The following RNF182 variants were observed in gnomAD, a reference collection of about 807,000 sequenced individuals.
RNF182 encodes ring finger protein 182.
A neutral mutation model predicts 14.4 loss-of-function variants in RNF182; 15 were observed. The observed-to-expected ratio is 1.04, with a 90% confidence interval of 0.70 to 1.60. The LOEUF (loss-of-function observed/expected upper bound fraction) is 1.60. RNF182 is among the 40% of genes most tolerant of loss of function. The pLI, the probability that RNF182 is intolerant of heterozygous loss-of-function variation, is 0.00. For synonymous variants in RNF182, 128 were observed against 122.9 expected, an observed-to-expected ratio of 1.04 and a Z score of -0.27; for missense variants, 268 against 294.8, an observed-to-expected ratio of 0.91 and a Z score of 0.67.
intron 1 of RNF182, among the ~76,000 whole-genome samples, chr6:13,928,686 G>C (rs1477439950): frequency 6.6e-6 from 1 of 152,180 alleles, no homozygotes; most frequent in African/African-American, 2.4e-5. Flanking sequence ...CCTGTTAGGT[G>C]ATTGCTTATT....
At chr6:13,941,270 A>G (rs1759292888) in intron 1 of RNF182, among the ~76,000 whole-genome samples, 1 of 152,088 alleles carries the variant, frequency 6.6e-6, no homozygotes, top group African/African-American at 2.4e-5. Flanking sequence ...TATAATTGTT[A>G]TAATTCCTTG....
At chr6:13,947,048 A>C (rs969054786) in intron 1 of RNF182, among the ~76,000 whole-genome samples, 5 of 50,558 alleles carry the variant, frequency 9.9e-5, no homozygotes, top group African/African-American at 1.6e-4. Flanking sequence ...AAATCAGTAA[A>C]ATTGTCTAAA....
At chr6:13,944,792 G>A (rs1197187781) in intron 1 of RNF182, among the ~76,000 whole-genome samples, 2 of 152,134 alleles carry the variant, frequency 1.3e-5, no homozygotes, top group Non-Finnish European at 1.5e-5. Flanking sequence ...CATGTTCAGG[G>A]TCATATAGTC....
intron 1 of RNF182, among the ~76,000 whole-genome samples, chr6:13,953,976 G>A (rs953009591): frequency 6.6e-6 from 1 of 152,220 alleles, no homozygotes; most frequent in African/African-American, 2.4e-5. Flanking sequence ...ATGTTGGAAA[G>A]TAGAGAGAAA....
At chr6:13,928,236 T>A (rs1332367653) in intron 1 of RNF182, among the ~76,000 whole-genome samples, 1 of 152,214 alleles carries the variant, frequency 6.6e-6, no homozygotes, top group Non-Finnish European at 1.5e-5. Flanking sequence ...ATAAACATAG[T>A]TCAAGATAAA....
Position 13,977,541 on chromosome 6 carries a change from C to T in RNF182, c.422C>T (p.Ser141Phe). ...ITIMEVQRES[S>F]PSLSSTPVVE... ...ATCATGGAGGTGCAGAGAGAGAGCT[C>T]CCCGTCCCTGAGCTCCACTCCTGTG... is the stretch of plus-strand genomic sequence containing the variant. Residue 141 changes from serine to phenylalanine, a missense_variant, in exon 3 of 3, where the codon TCC becomes TTC. By Grantham distance (155) the Ser-to-Phe change is radical. Coordinates refer to ENST00000488300, the MANE Select transcript of RNF182 (RefSeq NM_152737.4). The T allele has an allele frequency of 6.2e-7, 1 of 1,614,182 alleles. No homozygotes were observed. Among genetic ancestry groups the T allele is most frequent in the Non-Finnish European group, 8.5e-7 (1 of 1,180,024 alleles).
At chr6:13,949,484 A>G (rs566204820) in intron 1 of RNF182, 1 of 595,538 alleles carries the variant, frequency 1.7e-6, no homozygotes, top group Non-Finnish European at 3.1e-6. Flanking sequence ...GGCTGGTTAT[A>G]AGAAAAAATT....
intron 1 of RNF182, among the ~76,000 whole-genome samples, chr6:13,930,370 T>C (rs1758936481): frequency 3.9e-5 from 6 of 152,226 alleles, no homozygotes; most frequent in Admixed American, 3.3e-4. Flanking sequence ...CTACATATTT[T>C]CTGTGGTATT....
chr6:13,972,381 A>G (rs1477577529), intron 1 of RNF182, among the ~76,000 whole-genome samples: 1 of 152,152 alleles, frequency 6.6e-6, no homozygotes, highest in Non-Finnish European at 1.5e-5. Flanking sequence ...AGAAAAACCA[A>G]TTTTCTGAGG....
intron 1 of RNF182, among the ~76,000 whole-genome samples, chr6:13,937,761 A>G (rs551539180): frequency 1.1e-4 from 17 of 151,696 alleles, no homozygotes; most frequent in East Asian, 1.9e-4. Flanking sequence ...AGGTGGTTAT[A>G]TCGGCGACAT....
chr6:13,933,391 G>A lies in RNF182; in HGVS notation c.-367+8368G>A, dbSNP rs982239053. 7.2e-5 allele frequency among the ~76,000 whole-genome samples: 11 copies of A among 151,730 alleles called. No individual in the cohort carries two copies. The South Asian group carries it at 1.0e-3, about 14-fold the overall frequency. ...ATTAGCTGGGCATGGTGGTACGCAC[G>A]TGTAGTCCCAGCTGCTCCAAAGGCT... On this transcript the variant is annotated intron_variant, in intron 1 of 2. Coordinates refer to ENST00000488300, the MANE Select transcript of RNF182 (RefSeq NM_152737.4).
intron 1 of RNF182, among the ~76,000 whole-genome samples, chr6:13,956,594 G>T (rs1378277431): frequency 6.6e-6 from 1 of 152,026 alleles, no homozygotes; most frequent in Non-Finnish European, 1.5e-5. Context: ...CAGAGTGCTG[G>T]GATTACCTGC....
intron 2 of RNF182, among the ~76,000 whole-genome samples, chr6:13,976,605 G>A (rs1288264883): frequency 6.6e-6 from 1 of 152,176 alleles, no homozygotes; most frequent in Non-Finnish European, 1.5e-5. Flanking sequence ...GTTTCAGAGT[G>A]AAAATCTCTT....
chr6:13,925,353 TG>T (rs1758797763), intron 1 of RNF182: 1 of 152,084 alleles, frequency 6.6e-6, no homozygotes, highest in Admixed American at 6.5e-5. Flanking sequence ...TCGAGGCTTT[TG>T]GGGGAAAAAA....
At chr6:13,946,766 T>C (rs1381277696) in intron 1 of RNF182, among the ~76,000 whole-genome samples, 1 of 152,108 alleles carries the variant, frequency 6.6e-6, no homozygotes, top group Non-Finnish European at 1.5e-5. Flanking sequence ...ATCCTGAAGG[T>C]TGCAGAGGGA....
chr6:13,947,552 T>A (rs887398243), intron 1 of RNF182, among the ~76,000 whole-genome samples: 3 of 152,228 alleles, frequency 2.0e-5, no homozygotes, highest in African/African-American at 7.2e-5. Flanking sequence ...TAATCTTAGA[T>A]TAGACTTTTT....
intron 1 of RNF182, among the ~76,000 whole-genome samples, chr6:13,939,757 A>G (rs1380774402): frequency 6.6e-6 from 1 of 152,046 alleles, no homozygotes; most frequent in African/African-American, 2.4e-5. Context: ...GTTAGCCAGG[A>G]TGATCTTGAT....
At chr6:13,967,848 C>T (rs537079544) in intron 1 of RNF182, among the ~76,000 whole-genome samples, 1 of 152,192 alleles carries the variant, frequency 6.6e-6, no homozygotes, top group Admixed American at 6.5e-5. Flanking sequence ...GCGTGAGCCA[C>T]CATGCCTGGC....
At chr6:13,955,933 G>GT (rs887483728) in intron 1 of RNF182, among the ~76,000 whole-genome samples, 1 of 151,982 alleles carries the variant, frequency 6.6e-6, no homozygotes, top group Non-Finnish European at 1.5e-5. Flanking sequence ...AAAATATATG[G>GT]TTTTCAAATT....
Sources: allele counts gnomAD v4.1 joint callset (sites outside exome capture counted in the v4.1 genomes callset), GRCh38; gene constraint gnomAD v4.1.1; transcripts MANE v1.5; gene names NCBI Gene and HGNC (gene_info 2026-07-23, HGNC 2026-07-21).